Variants in GPC6 observed in about 807,000 individuals in gnomAD.
GPC6 encodes the protein glypican 6.
In GPC6, 14 loss-of-function variants were observed where a neutral mutation model predicts 55.2. The observed-to-expected ratio is 0.25, with a 90% CI of 0.17 to 0.40. The LOEUF is 0.40. Among genes scored for constraint, GPC6 ranks in the 10% least tolerant of loss-of-function variants. GPC6 has a pLI of 1.00. For synonymous variants in GPC6, 278 were observed against 259.6 expected (o/e 1.07, Z -0.68); for missense variants, 641 against 708.5 (o/e 0.90, Z 1.08).
chr13:93,383,370 C>A (rs1875265170), intron 1 of GPC6, among the ~76,000 whole-genome samples: 1 of 152,090 alleles, frequency 6.6e-6, no homozygotes, highest in Non-Finnish European at 1.5e-5. Flanking sequence ...CACCACCACA[C>A]CCAGCTCATT....
chr13:93,397,976 A>G (rs1324478569), intron 1 of GPC6, among the ~76,000 whole-genome samples: 3 of 152,170 alleles, frequency 2.0e-5, no homozygotes, highest in African/African-American at 7.2e-5. Context: ...AGCATTTTTA[A>G]TACTTTGGAA....
intron 3 of GPC6, among the ~76,000 whole-genome samples, chr13:93,993,455 C>G (rs930388136): frequency 6.6e-6 from 1 of 151,680 alleles, no homozygotes; most frequent in African/African-American, 2.4e-5. Flanking sequence ...CACCACACCC[C>G]GGTAATTTTT....
intron 3 of GPC6, among the ~76,000 whole-genome samples, chr13:93,975,599 G>GA (rs1880480817): frequency 6.6e-6 from 1 of 152,158 alleles, no homozygotes; most frequent in Middle Eastern, 3.4e-3. Context: ...GTTTTTTATT[G>GA]AAAAATGCAG....
intron 4 of GPC6, among the ~76,000 whole-genome samples, chr13:94,080,075 A>G (rs752128316): frequency 6.6e-6 from 1 of 152,228 alleles, no homozygotes; most frequent in Admixed American, 6.5e-5. Context: ...ATTATTTACA[A>G]GAATCCCAAA....
intron 4 of GPC6, among the ~76,000 whole-genome samples, chr13:94,090,908 G>A (rs888730351): frequency 2.6e-5 from 4 of 152,134 alleles, no homozygotes. Flanking sequence ...GGCATTAGAT[G>A]TGGAAAATTA....
At chr13:93,984,143 C>A (rs1428662127) in intron 3 of GPC6, among the ~76,000 whole-genome samples, 3 of 152,076 alleles carry the variant, frequency 2.0e-5, no homozygotes, top group Admixed American at 6.5e-5. Flanking sequence ...CTCTGGCTCC[C>A]AGGATTCTGC....
intron 2 of GPC6, among the ~76,000 whole-genome samples, chr13:93,743,512 T>C (rs1884279867): frequency 6.6e-6 from 1 of 152,168 alleles, no homozygotes; most frequent in Non-Finnish European, 1.5e-5. Flanking sequence ...ACTGTGGCTC[T>C]TACAGTCTAT....
At chr13:93,317,132 A>T (rs1487650018) in intron 1 of GPC6, among the ~76,000 whole-genome samples, 5 of 152,046 alleles carry the variant, frequency 3.3e-5, no homozygotes, top group African/African-American at 1.2e-4. Context: ...GACTTTTAAC[A>T]CACTCATGGG....
intron 3 of GPC6, among the ~76,000 whole-genome samples, chr13:94,013,088 A>G (rs1163333903): frequency 6.6e-6 from 1 of 152,168 alleles, no homozygotes; most frequent in Non-Finnish European, 1.5e-5. Flanking sequence ...CAGCAAGGTA[A>G]AATTTAAATG....
intron 4 of GPC6, among the ~76,000 whole-genome samples, chr13:94,195,889 G>A (rs1429625812): frequency 1.3e-5 from 2 of 152,228 alleles, no homozygotes; most frequent in East Asian, 1.9e-4. Context: ...GGAACCCACA[G>A]TACCATAGTT....
Position 94,406,406 on chromosome 13 carries a change from A to G in GPC6, c.*3189A>G, listed in dbSNP as rs1881368609. ...CCTTCTGTCATTTTCACGAAGGCCA[A>G]GTTGGTACTTTGATTATAGCCATCG... On this transcript the variant is annotated 3_prime_UTR_variant, in exon 9 of 9. Transcript: ENST00000377047. 6.6e-6 allele frequency: 1 copy of G among 152,152 alleles called. No homozygotes were observed. The highest frequency in any genetic ancestry group is 1.5e-5 in the Non-Finnish European group (1 of 67,976). 9.4% of individuals were successfully genotyped at this position (152,152 alleles called of 1,614,324 possible).
chr13:93,404,040 T>G (rs1281254445), intron 1 of GPC6, among the ~76,000 whole-genome samples: 2 of 152,112 alleles, frequency 1.3e-5, no homozygotes, highest in Non-Finnish European at 2.9e-5. Context: ...GAGCTCAGAT[T>G]TCTCTTATGA....
At chr13:93,292,104 G>A (rs1426527515) in intron 1 of GPC6, among the ~76,000 whole-genome samples, 1 of 152,104 alleles carries the variant, frequency 6.6e-6, no homozygotes, top group Non-Finnish European at 1.5e-5. Flanking sequence ...AAATCAAAAG[G>A]CAAATTCATC....
Position 93,772,549 on chromosome 13 carries a change from A to G in GPC6, c.320-57605A>G, listed in dbSNP as rs547027163. On this transcript the variant is annotated intron_variant, in intron 2 of 8. Coordinates refer to ENST00000377047, the MANE Select transcript of GPC6 (RefSeq NM_005708.5). ...GAGGAAGAGTTTTAAAAACAGGTGT[A>G]CTTCAGAAATATTAAAAGGCGATAT... 4.6e-5 allele frequency among the ~76,000 whole-genome samples: 7 copies of G among 152,210 alleles called. No homozygotes were observed. The South Asian group carries it at 1.5e-3, about 32-fold the overall frequency.
At chr13:94,243,913 G>A (rs1364905225) in intron 4 of GPC6, among the ~76,000 whole-genome samples, 1 of 152,042 alleles carries the variant, frequency 6.6e-6, no homozygotes. Context: ...CTCTTTCTTT[G>A]CCTCAGTTTC....
At chr13:94,033,050 G>T (rs542684307) in intron 4 of GPC6, among the ~76,000 whole-genome samples, 1 of 152,298 alleles carries the variant, frequency 6.6e-6, no homozygotes, top group South Asian at 2.1e-4. Context: ...ACAGAATAGA[G>T]AACAGTACCC....
chr13:93,822,034 T>A (rs1011741897), intron 2 of GPC6, among the ~76,000 whole-genome samples: 1 of 109,728 alleles, frequency 9.1e-6, no homozygotes, highest in Non-Finnish European at 1.8e-5. Flanking sequence ...ACATAATATG[T>A]ATACACATGA....
At position 94,165,107 on chromosome 13, in the gene GPC6, A is replaced by G. The variant is rs138989826; in HGVS notation, c.878-121242A>G. Among the ~76,000 whole-genome samples, 919 of 152,002 alleles carry G rather than the reference A, an allele frequency of 6.0e-3. 5 individuals carry two copies. The highest frequency in any genetic ancestry group is 7.3e-3 in the African/African-American group (305 of 41,506). On this transcript the variant is annotated intron_variant, in intron 4 of 8. Coordinates refer to ENST00000377047, the MANE Select transcript of GPC6 (RefSeq NM_005708.5). ...AAGATAGCTGCACATACATGTTTAT[A>G]GCAGCACAATTCACAATTGCAAAAA...
At chr13:93,629,234 G>A (rs1204492305) in intron 2 of GPC6, among the ~76,000 whole-genome samples, 1 of 152,028 alleles carries the variant, frequency 6.6e-6, no homozygotes, top group Non-Finnish European at 1.5e-5. Flanking sequence ...TTGAAAATTG[G>A]AACTATATTG....
Sources: allele counts gnomAD v4.1 joint callset (sites outside exome capture counted in the v4.1 genomes callset), GRCh38; gene constraint gnomAD v4.1.1; transcripts MANE v1.5; gene names NCBI Gene and HGNC (gene_info 2026-07-23, HGNC 2026-07-21).